The following TMEM108 variants were observed in gnomAD, a reference collection of about 807,000 sequenced individuals.
The protein encoded by TMEM108 is transmembrane protein 108, also known as cancer/testis antigen 124.
Under a neutral mutation model 35.1 loss-of-function variants are expected in TMEM108, and 12 were observed. The ratio of observed to expected loss-of-function variants is 0.34; its 90% CI spans 0.22 to 0.55. The LOEUF (loss-of-function observed/expected upper bound fraction) is 0.55. Among genes scored for constraint, TMEM108 ranks in the 20% least tolerant of loss-of-function variants. The pLI, the probability that TMEM108 is intolerant of heterozygous loss-of-function variation, is 0.89. For missense variants in TMEM108, 680 were observed against 753.3 expected (o/e 0.90, Z 1.14); for synonymous variants, 287 against 308.6 (o/e 0.93, Z 0.73).
At chr3:133,310,141 G>GTC (rs1216862924) in intron 3 of TMEM108, among the ~76,000 whole-genome samples, 1 of 152,172 alleles carries the variant, frequency 6.6e-6, no homozygotes, top group Admixed American at 6.5e-5. Flanking sequence ...CAATTTTAGA[G>GTC]TAAGTGTGAT....
At chr3:133,266,190 T>TAGG (rs1158850848) in intron 3 of TMEM108, among the ~76,000 whole-genome samples, 3 of 151,554 alleles carry the variant, frequency 2.0e-5, no homozygotes, top group African/African-American at 7.3e-5. Context: ...GGGTTGCTGT[T>TAGG]AGGTTTTTTT....
rs912624741 is a variant in TMEM108, at chr3:133,234,228, G to A, written c.40+4877G>A. Among the ~76,000 whole-genome samples, 132 of 152,010 alleles carry A rather than the reference G, an allele frequency of 8.7e-4. 1 individual carries two copies. The highest frequency in any genetic ancestry group is 1.7e-3 in the Non-Finnish European group (118 of 67,994). ...GAATTAATTTTTGTATAAGGTGTAA[G>A]GAAGGGATCCAGTTTCAGCTTTCTA... On this transcript the variant is annotated intron_variant, in intron 3 of 5. Coordinates refer to ENST00000321871, the MANE Select transcript of TMEM108 (RefSeq NM_023943.4).
At chr3:133,133,722 G>A (rs1488419424) in intron 2 of TMEM108, among the ~76,000 whole-genome samples, 6 of 137,638 alleles carry the variant, frequency 4.4e-5, no homozygotes, top group African/African-American at 1.1e-4. Context: ...ACGGAGTCTC[G>A]CTGTATCACC....
intron 2 of TMEM108, among the ~76,000 whole-genome samples, chr3:133,083,183 C>CG: frequency 7.1e-6 from 1 of 140,144 alleles, no homozygotes; most frequent in Non-Finnish European, 1.6e-5. Context: ...CCCCCCCACC[C>CG]CCCGCCGCCC....
At chr3:133,109,465 C>T (rs1454284676) in intron 2 of TMEM108, among the ~76,000 whole-genome samples, 1 of 147,344 alleles carries the variant, frequency 6.8e-6, no homozygotes, top group East Asian at 2.0e-4. Context: ...CCGTTCTCCA[C>T]AAAAAGAAAA....
intron 2 of TMEM108, among the ~76,000 whole-genome samples, chr3:133,052,350 A>G (rs953234283): frequency 1.2e-4 from 19 of 152,086 alleles, no homozygotes; most frequent in Admixed American, 4.6e-4. Context: ...CAACCTTGTT[A>G]TAATTGCTTT....
At chr3:133,192,545 G>A (rs1273260402) in intron 2 of TMEM108, among the ~76,000 whole-genome samples, 1 of 152,118 alleles carries the variant, frequency 6.6e-6, no homozygotes, top group Non-Finnish European at 1.5e-5. Context: ...TGAGAGGAAT[G>A]TGGAGTGAGG....
chr3:133,241,927 A>G (rs1946319695), intron 3 of TMEM108, among the ~76,000 whole-genome samples: 1 of 152,080 alleles, frequency 6.6e-6, no homozygotes, highest in Non-Finnish European at 1.5e-5. Flanking sequence ...TGTGGCTTCT[A>G]CAACAAATTA....
chr3:133,335,324 C>T (rs1234259671), intron 3 of TMEM108, among the ~76,000 whole-genome samples: 1 of 151,830 alleles, frequency 6.6e-6, no homozygotes, highest in East Asian at 1.9e-4. Flanking sequence ...AAAAATAAAA[C>T]AAATATATTT....
At chr3:133,142,242 A>AT (rs771036404) in intron 2 of TMEM108, among the ~76,000 whole-genome samples, 2 of 152,190 alleles carry the variant, frequency 1.3e-5, no homozygotes, top group Non-Finnish European at 2.9e-5. Flanking sequence ...AATATAATCC[A>AT]TGTACATGGA....
At chr3:133,157,633 A>G (rs1396510198) in intron 2 of TMEM108, among the ~76,000 whole-genome samples, 1 of 152,150 alleles carries the variant, frequency 6.6e-6, no homozygotes, top group African/African-American at 2.4e-5. Flanking sequence ...AAGGAATGGT[A>G]TTCTGCTTAA....
intron 2 of TMEM108, among the ~76,000 whole-genome samples, chr3:133,046,699 G>A (rs774260280): frequency 1.3e-5 from 2 of 152,158 alleles, no homozygotes; most frequent in Non-Finnish European, 2.9e-5. Context: ...GAGACCAGAA[G>A]GAGAAATTAA....
chr3:133,286,689 C>G (rs1008561557), intron 3 of TMEM108, among the ~76,000 whole-genome samples: 4 of 152,324 alleles, frequency 2.6e-5, no homozygotes, highest in Non-Finnish European at 4.4e-5. Context: ...TTTACATGTT[C>G]CTACCTCTAT....
intron 3 of TMEM108, among the ~76,000 whole-genome samples, chr3:133,242,696 T>G (rs1946330245): frequency 6.6e-6 from 1 of 152,192 alleles, no homozygotes; most frequent in Non-Finnish European, 1.5e-5. Context: ...TGCATGATTG[T>G]TCCGTGTTTG....
At chr3:133,146,649 A>G (rs895715386) in intron 2 of TMEM108, among the ~76,000 whole-genome samples, 5 of 152,100 alleles carry the variant, frequency 3.3e-5, no homozygotes, top group East Asian at 1.9e-4. Context: ...AGAACTTGTT[A>G]TTGGTCTATT....
At chr3:133,227,444 C>T (rs535674515) in intron 2 of TMEM108, among the ~76,000 whole-genome samples, 155 of 149,578 alleles carry the variant, frequency 1.0e-3, no homozygotes, top group Admixed American at 3.8e-3. Context: ...CCGCCCGCCT[C>T]GGCCTCCCAA....
chr3:133,116,051 C>G (rs1391619093), intron 2 of TMEM108, among the ~76,000 whole-genome samples: 1 of 152,144 alleles, frequency 6.6e-6, no homozygotes, highest in African/African-American at 2.4e-5. Flanking sequence ...CTTCACAGGC[C>G]ATCAAGTATT....
intron 3 of TMEM108, 93 bp from the exon 4 acceptor site, chr3:133,379,649 GTTTCCTGAGT>G (rs1283025326): frequency 1.3e-5 from 15 of 1,153,546 alleles, no homozygotes; most frequent in Non-Finnish European, 1.9e-5. Context: ...TGCTCCTGAC[GTTTCCTGAGT>G]TCCCAGCACT....
In TMEM108 at chr3:133,390,211, G is replaced by A. The variant is rs770330869; in HGVS notation, c.1482G>A (p.Arg494=). 5.0e-6 allele frequency: 8 copies of A among 1,613,490 alleles called. 1 individual carries two copies. The African/African-American group carries it at 5.3e-5, about 11-fold the overall frequency. Residue 494 remains arginine (R), a synonymous_variant, in exon 5 of 6, where the codon AGG becomes AGA. Transcript: ENST00000321871. ...TGCTGACGGTGTGCTGCATGAAGAG[G>A]AAGAAGAAGACCGCCAACCCGGAGA... is the stretch of plus-strand genomic sequence containing the variant. ...SVLLTVCCMK[R]KKKTANPENN...
Sources: gnomAD v4.1 joint callset for allele counts (sites outside exome capture counted in the v4.1 genomes callset) on GRCh38, gnomAD v4.1.1 for gene constraint, MANE v1.5 for transcripts, NCBI Gene and HGNC (gene_info 2026-07-23, HGNC 2026-07-21) for gene names.